The following FOXM1 variants were observed in gnomAD, a reference collection of about 807,000 sequenced individuals.
The protein encoded by FOXM1 is forkhead box M1, also known as forkhead box protein M1.
Under a neutral mutation model 63.6 loss-of-function variants are expected in FOXM1, and 25 were observed. The ratio of observed to expected loss-of-function variants is 0.39; its 90% CI spans 0.29 to 0.55. The LOEUF is 0.55. Among genes scored for constraint, FOXM1 ranks in the 20% least tolerant of loss-of-function variants. FOXM1 has a pLI of 0.60. For synonymous variants in FOXM1, 387 were observed against 376.9 expected (o/e 1.03, Z -0.31); for missense variants, 879 against 958.7 (o/e 0.92, Z 1.10).
intron 3 of FOXM1, 105 bp from the exon 4 acceptor site, chr12:2,868,859 C>G: frequency 1.2e-6 from 1 of 850,040 alleles, no homozygotes; most frequent in Non-Finnish European, 1.8e-6. Context: ...ATAGGACGGT[C>G]TAGAAACAAA....
In FOXM1 at chr12:2,872,950, AGG is replaced by A. The variant is rs1177488674; in HGVS notation, c.503-705_503-704del. Among the ~76,000 whole-genome samples, 1 of 152,038 alleles carries A rather than the reference AGG, an allele frequency of 6.6e-6. No homozygotes were observed. The highest frequency in any genetic ancestry group is 1.9e-4 in the East Asian group (1 of 5,200). On this transcript the variant is annotated intron_variant, in intron 2 of 8. Transcript: ENST00000359843. This position sits in a 1 kb window ranked among gnomAD's most constrained non-coding sequence, Gnocchi z 4.0. ...ATGCCTATAGTCCCAGCTACTTGGGAGGCTGATGTGGGAGAATGGCTTGAGTC... is the reference window on the plus strand; with the variant it reads ...ATGCCTATAGTCCCAGCTACTTGGGACTGATGTGGGAGAATGGCTTGAGTC...
intron 8 of FOXM1, chr12:2,863,757 G>A (rs186356246): frequency 6.6e-6 from 1 of 151,710 alleles, no homozygotes; most frequent in Non-Finnish European, 1.5e-5. Flanking sequence ...TGTCACCCAG[G>A]CTGGAGTGCA....
At chr12:2,863,021 G>A (rs2098116760) in intron 8 of FOXM1, among the ~76,000 whole-genome samples, 1 of 151,940 alleles carries the variant, frequency 6.6e-6, no homozygotes, top group African/African-American at 2.4e-5. Context: ...ATCCAAGTTG[G>A]CTCTGAATTT....
rs11310343 is a variant in FOXM1 at position 2,870,957 on chromosome 12, CAAAAAAA to C, written c.654+1132_654+1138del. On this transcript the variant is annotated intron_variant, in intron 3 of 8. Coordinates refer to ENST00000359843, the MANE Select transcript of FOXM1 (RefSeq NM_021953.4). ...TAGGAGACAGAGAAAGACTACGTCT[CAAAAAAA>C]AAAAAAAAAAAAAAAAAAGCAGGAG... Among the ~76,000 whole-genome samples the C allele has an allele frequency of 2.6e-3, 100 of 39,128 alleles. 1 individual carries two copies. The highest frequency in any genetic ancestry group is 7.7e-3 in the African/African-American group (87 of 11,250). The allele number at this position is 39,128 out of a possible 152,430, so 25.7% of individuals were successfully genotyped here. A position where few individuals can be genotyped will look rare whatever the true frequency, so the allele number is the denominator to read the frequency against.
rs28990692 is a variant in FOXM1, at chr12:2,874,470, A to G, written c.9T>C (p.Thr3=). ...TGAGAATCAGTGGCCGACGGGGGCTAGTTTTCATTATGAATCTGCGTTTTC... is the reference window on the plus strand; with the variant it reads ...TGAGAATCAGTGGCCGACGGGGGCTGGTTTTCATTATGAATCTGCGTTTTC... The part of the protein sequence containing the change: MK[T]SPRRPLILKR... Residue 3 remains threonine (T), a synonymous_variant, in exon 2 of 9, where the codon ACT becomes ACC. Transcript: ENST00000359843. This position sits in a 1 kb window ranked among gnomAD's most constrained non-coding sequence, Gnocchi z 4.3. The G allele has an allele frequency of 6.8e-3, 10,999 of 1,606,226 alleles. 604 individuals are homozygous for G. The African/African-American group carries it at 0.12, about 18-fold the overall frequency.
chr12:2,862,179 AG>A lies in FOXM1; in HGVS notation c.1266+2140del, dbSNP rs1310946016. 1.4e-3 allele frequency among the ~76,000 whole-genome samples: 208 copies of A among 146,932 alleles called. 1 individual carries two copies. Among genetic ancestry groups the A allele is most frequent in the African/African-American group, 5.0e-3 (188 of 37,940 alleles). On this transcript the variant is annotated intron_variant, in intron 8 of 8. Transcript: ENST00000359843. ...GGGCGACAGAGTGAGACTCCGTCTCAGGAAAAAAAAAAAAAAAAAGAGACAT... is the reference window on the plus strand; with the variant it reads ...GGGCGACAGAGTGAGACTCCGTCTCAGAAAAAAAAAAAAAAAAAGAGACAT...
At chr12:2,860,609 C>T (rs1252735596) in intron 8 of FOXM1, among the ~76,000 whole-genome samples, 1 of 152,042 alleles carries the variant, frequency 6.6e-6, no homozygotes, top group Non-Finnish European at 1.5e-5. Context: ...TGCGGTGGCT[C>T]ACGCCTGTAA....
Position 2,864,352 on chromosome 12 carries a change from G to A in FOXM1, c.1234C>T (p.Arg412Cys), listed in dbSNP as rs139435894. 9.9e-5 allele frequency: 159 copies of A among 1,613,004 alleles called. No homozygotes were observed. Among genetic ancestry groups the A allele is most frequent in the Non-Finnish European group, 1.3e-4 (148 of 1,179,336 alleles). ...GCAATGCGGACTCGCTTGCTATGGC[G>A]GGCAAGCTCTGAGCTCATGAGGGAA... is the stretch of plus-strand genomic sequence containing the variant. ...AASLMSSELA[R>C]HSKRVRIAPK... Residue 412 changes from arginine (R) to cysteine (C), a missense_variant, in exon 8 of 9, where the codon CGC becomes TGC. Physicochemically the swap from Arg to Cys is radical, Grantham distance 180. Coordinates refer to ENST00000359843, the MANE Select transcript of FOXM1 (RefSeq NM_021953.4). The surrounding 1 kb of genome is among the most constrained non-coding windows in gnomAD (Gnocchi z 5.1).
intron 8 of FOXM1, among the ~76,000 whole-genome samples, chr12:2,863,249 C>A (rs116312133): frequency 0.016 from 2,497 of 152,280 alleles, 58 homozygotes; most frequent in African/African-American, 0.056. Context: ...CTCCAGCTGT[C>A]AACGTGAATA....
Position 2,858,939 on chromosome 12 carries a change from A to C in FOXM1, c.1991T>G (p.Leu664Trp), listed in dbSNP as rs1234564165. The change falls in exon 9 of 9, where the codon TTG (leucine) becomes TGG (tryptophan). Residue 664 changes from leucine to tryptophan, a missense_variant. Leu to Trp is a moderately conservative substitution (Grantham distance 61). Coordinates refer to ENST00000359843, the MANE Select transcript of FOXM1 (RefSeq NM_021953.4). ...LGLMDLSTTPLQSAPPLESPQ... is the reference protein window; with the variant it reads ...LGLMDLSTTPWQSAPPLESPQ... ...TGATTCAAGGGGGGGAGCACTTTGC[A>C]AGGGAGTGGTGCTGAGATCCATCAG... is the stretch of plus-strand genomic sequence containing the variant. 1.2e-6 allele frequency: 2 copies of C among 1,613,616 alleles called. No homozygotes were observed. Among genetic ancestry groups the C allele is most frequent in the Non-Finnish European group, 1.7e-6 (2 of 1,179,970 alleles).
In FOXM1 at chr12:2,858,836, G is replaced by A. The variant is rs144897055; in HGVS notation, c.2094C>T (p.Asp698=). Residue 698 remains aspartate (D), a synonymous_variant, in exon 9 of 9, where the codon GAC becomes GAT. Transcript: ENST00000359843. ...PFGNSSPSDI[D]VPKPGSPEPQ... is the part of the protein sequence containing the mutation. ...GCTCCGGGGAGCCTGGCTTGGGGACGTCTATATCTGAGGGAGAAGAGTTGC... is the reference window on the plus strand; with the variant it reads ...GCTCCGGGGAGCCTGGCTTGGGGACATCTATATCTGAGGGAGAAGAGTTGC... 378 of 1,614,172 alleles carry A rather than the reference G, an allele frequency of 2.3e-4. 2 individuals carry two copies. The highest frequency in any genetic ancestry group is 1.3e-3 in the South Asian group (119 of 91,084).
Position 2,872,227 on chromosome 12 carries a change from A to G in FOXM1, c.523T>C (p.Cys175Arg). The change falls in exon 3 of 9, where the codon TGC (cysteine) becomes CGC (arginine). Residue 175 changes from cysteine (C) to arginine (R), a missense_variant. Physicochemically the swap from Cys to Arg is radical, Grantham distance 180 (BLOSUM62 -3). Coordinates refer to ENST00000359843, the MANE Select transcript of FOXM1 (RefSeq NM_021953.4). The surrounding 1 kb of genome is among the most constrained non-coding windows in gnomAD (Gnocchi z 4.0). ...TTGGATAGGCTATTGTTGATAGTGC[A>G]GCCTGCTGCCTCACCATCTGCTAGA... ...ETCADGEAAGCTINNSLSNIQ... is the reference protein window; with the variant it reads ...ETCADGEAAGRTINNSLSNIQ... 1 of 1,614,222 alleles carries G rather than the reference A, an allele frequency of 6.2e-7. No individual in the cohort carries two copies. Among genetic ancestry groups the G allele is most frequent in the South Asian group, 1.1e-5 (1 of 91,088 alleles).
chr12:2,865,296 A>G (rs748989142), intron 6 of FOXM1, 59 bp downstream of exon 6: 4 of 1,463,596 alleles, frequency 2.7e-6, no homozygotes, highest in Non-Finnish European at 2.8e-6. Flanking sequence ...CACTAAAGCC[A>G]TGCTGAGCAG....
rs1216502555 is a variant in FOXM1 at position 2,861,167 on chromosome 12, C to CAAAA, written c.1267-1508_1267-1505dup. On this transcript the variant is annotated intron_variant, in intron 8 of 8. Transcript: ENST00000359843. ...TGGGTGACAGAGCAAGACTCCGTCT[C>CAAAA]AAAAAAAAAAAAAAAGAGCTCTCAC... 53 of 390,622 alleles carry CAAAA rather than the reference C, an allele frequency of 1.4e-4. 1 individual carries two copies. The African/African-American group carries it at 1.4e-3, about 10-fold the overall frequency. 24.2% of individuals were successfully genotyped at this position (390,622 alleles called of 1,614,324 possible).
chr12:2,873,746 T>C (rs1304742090), intron 2 of FOXM1, among the ~76,000 whole-genome samples: 1 of 151,806 alleles, frequency 6.6e-6, no homozygotes, highest in Non-Finnish European at 1.5e-5. Context: ...CTCGGCTAGT[T>C]TTTTTATATT....
At position 2,872,252 on chromosome 12, in the gene FOXM1, A is replaced by G; in HGVS notation, c.503-5T>C. The stretch of plus-strand genomic sequence containing the variant: ...AGCCTGCTGCCTCACCATCTGCTAG[A>G]GGGAAAATAATCCAACACCCCACTT... On this transcript the variant is annotated splice_polypyrimidine_tract_variant and splice_region_variant and intron_variant, in intron 2 of 8. Coordinates refer to ENST00000359843, the MANE Select transcript of FOXM1 (RefSeq NM_021953.4). This position sits in a 1 kb window ranked among gnomAD's most constrained non-coding sequence, Gnocchi z 4.0. 6.2e-7 allele frequency: 1 copy of G among 1,613,936 alleles called. No homozygotes were observed. The highest frequency in any genetic ancestry group is 8.5e-7 in the Non-Finnish European group (1 of 1,179,872).
At chr12:2,862,573 T>C (rs958288827) in intron 8 of FOXM1, among the ~76,000 whole-genome samples, 1 of 152,206 alleles carries the variant, frequency 6.6e-6, no homozygotes, top group African/African-American at 2.4e-5. Context: ...TTTTGTTGCC[T>C]AAGCTAGAAT....
rs555196465 is a variant in FOXM1 at position 2,872,332 on chromosome 12, G to A, written c.503-85C>T. On this transcript the variant is annotated intron_variant, in intron 2 of 8. Coordinates refer to ENST00000359843, the MANE Select transcript of FOXM1 (RefSeq NM_021953.4). The surrounding 1 kb of genome is among the most constrained non-coding windows in gnomAD (Gnocchi z 4.0). ...CATCAGAATTGGTGGCTAGCAGGCC[G>A]GGTGCAGTGGCTCACACCTGTAATC... 199 of 1,428,290 alleles carry A rather than the reference G, an allele frequency of 1.4e-4. No homozygotes were observed. In the East Asian group the frequency reaches 4.2e-3, roughly 30 times the overall value. 88.5% of individuals were successfully genotyped at this position (1,428,290 alleles called of 1,614,324 possible). A position where few individuals can be genotyped will look rare whatever the true frequency, so the allele number is the denominator to read the frequency against.
At position 2,859,044 on chromosome 12, in the gene FOXM1, G is replaced by T; in HGVS notation, c.1886C>A (p.Pro629Gln). ...GAAATCCAGTCCCCCTACTTTGGCT[G>T]GGGGCGTGAGCCTCCAGGATTCAGG... ...RTPESWRLTPPAKVGGLDFSP... is the reference protein window; with the variant it reads ...RTPESWRLTPQAKVGGLDFSP... The change falls in exon 9 of 9, where the codon CCA (proline) becomes CAA (glutamine). Residue 629 changes from proline to glutamine, a missense_variant. By Grantham distance (76) the Pro-to-Gln change is moderately conservative. Coordinates refer to ENST00000359843, the MANE Select transcript of FOXM1 (RefSeq NM_021953.4). 6.2e-7 allele frequency: 1 copy of T among 1,608,990 alleles called. No homozygotes were observed. Among genetic ancestry groups the T allele is most frequent in the Non-Finnish European group, 8.5e-7 (1 of 1,177,542 alleles).
Sources: gnomAD v4.1 joint callset for allele counts (sites outside exome capture counted in the v4.1 genomes callset) on GRCh38, gnomAD v4.1.1 for gene constraint, Gnocchi (gnomAD v3.1) non-coding constraint, MANE v1.5 for transcripts, NCBI Gene and HGNC (gene_info 2026-07-23, HGNC 2026-07-21) for gene names.